The following DDX42 variants were observed in gnomAD, a reference collection of about 807,000 sequenced individuals.
DDX42 encodes DEAD-box helicase 42.
A neutral mutation model predicts 101.5 loss-of-function variants in DDX42; 22 were observed. The ratio of observed to expected loss-of-function variants is 0.22; its 90% CI spans 0.15 to 0.31. DDX42 has a LOEUF of 0.31. Among genes scored for constraint, DDX42 ranks in the 10% least tolerant of loss-of-function variants. DDX42 has a pLI of 1.00. For missense variants in DDX42, 849 were observed against 1,199.9 expected, an observed-to-expected ratio of 0.71 and a Z score of 4.32; for synonymous variants, 402 against 401.2, an observed-to-expected ratio of 1.00 and a Z score of -0.02.
chr17:63,802,945 A>G (rs1487087564), intron 6 of DDX42, among the ~76,000 whole-genome samples: 4 of 152,176 alleles, frequency 2.6e-5, no homozygotes. Context: ...TCAAGCAAAA[A>G]TTAGAATTTG....
chr17:63,805,233 A>G lies in DDX42; in HGVS notation c.726+58A>G, dbSNP rs534394352. Reference sequence around the variant, plus strand: ...TAATGTTAATTAGTCCAGATTTAGTATTATTGGTTATCTAAACTAATAACC... The same window carrying G: ...TAATGTTAATTAGTCCAGATTTAGTGTTATTGGTTATCTAAACTAATAACC... On this transcript the variant is annotated intron_variant, in intron 7 of 17. Transcript: ENST00000389924. 39 of 1,570,148 alleles carry G rather than the reference A, an allele frequency of 2.5e-5. No homozygotes were observed. In the East Asian group the frequency reaches 9.0e-4, roughly 36 times the overall value.
chr17:63,810,678 A>C, intron 12 of DDX42, 118 bp downstream of exon 12: 1 of 986,406 alleles, frequency 1.0e-6, no homozygotes, highest in Middle Eastern at 2.1e-4. Flanking sequence ...TGAGAACCAT[A>C]ATAAGGGAGG....
At chr17:63,805,004 C>A in intron 6 of DDX42, 67 bp from the exon 7 acceptor site, 1 of 1,530,716 alleles carries the variant, frequency 6.5e-7, no homozygotes, top group Admixed American at 2.4e-5. Context: ...GATTATTTTG[C>A]AATAAAATCA....
chr17:63,805,334 A>T lies in DDX42; in HGVS notation c.726+159A>T, dbSNP rs556101901. The T allele has an allele frequency of 6.9e-6, 6 of 874,996 alleles. No individual in the cohort carries two copies. The East Asian group carries it at 1.8e-4, about 27-fold the overall frequency. 54.2% of individuals were successfully genotyped at this position (874,996 alleles called of 1,614,324 possible). On this transcript the variant is annotated intron_variant, in intron 7 of 17. Transcript: ENST00000389924. Reference sequence around the variant, plus strand: ...TATATCCCTTCTGTTCATGTCTCTTAATTTGATTGTTTTAGTCTTCTAGAT... The same window carrying T: ...TATATCCCTTCTGTTCATGTCTCTTTATTTGATTGTTTTAGTCTTCTAGAT...
chr17:63,799,194 A>T (rs2039730504), intron 4 of DDX42, among the ~76,000 whole-genome samples: 2 of 152,074 alleles, frequency 1.3e-5, no homozygotes, highest in Non-Finnish European at 2.9e-5. Context: ...GAAGGTTGTG[A>T]CCTTTCTAGT....
In DDX42 at chr17:63,792,446, G is replaced by A. The variant is rs150380771; in HGVS notation, c.256G>A (p.Val86Ile). The A allele has an allele frequency of 6.5e-5, 105 of 1,612,890 alleles. No individual in the cohort carries two copies. The highest frequency in any genetic ancestry group is 1.6e-4 in the Middle Eastern group (1 of 6,082). Residue 86 changes from valine to isoleucine, a missense_variant, in exon 3 of 18, where the codon GTT (valine) becomes ATT (isoleucine). Around this residue, in one of 5 missense-constraint regions of DDX42, gnomAD observed 92 missense variants for 106.7 expected, o/e 0.86. Transcript: ENST00000389924. ...AGATGAGGAAGAAGATTCTAGCAAC[G>A]TTGATTTACCTTACATTCCTGCTGA... ...FEDEEEDSSN[V>I]DLPYIPAENS... is the part of the protein sequence containing the mutation.
chr17:63,786,942 C>A, intron 1 of DDX42, 92 bp from the exon 2 acceptor site: 1 of 1,309,064 alleles, frequency 7.6e-7, no homozygotes, highest in Non-Finnish European at 1.1e-6. Flanking sequence ...TCCCAAAGTG[C>A]TGGGATTACA....
intron 7 of DDX42, chr17:63,805,943 T>C (rs1032833558): frequency 2.6e-5 from 4 of 152,406 alleles, no homozygotes; most frequent in African/African-American, 9.6e-5. Flanking sequence ...CATTGAAAGG[T>C]TACCACTTTG....
intron 1 of DDX42, among the ~76,000 whole-genome samples, chr17:63,786,371 C>G (rs2039547504): frequency 6.6e-6 from 1 of 152,148 alleles, no homozygotes; most frequent in South Asian, 2.1e-4. Flanking sequence ...GCCTCAGCCT[C>G]CTGAATAGCT....
chr17:63,809,420 A>G (rs1433281299), intron 10 of DDX42, 140 bp from the exon 11 acceptor site: 1 of 637,524 alleles, frequency 1.6e-6, no homozygotes, highest in East Asian at 2.7e-5. Flanking sequence ...TAAGTAGTGC[A>G]TAAGGTATGT....
At chr17:63,777,631 A>G (rs1417860712) in intron 1 of DDX42, among the ~76,000 whole-genome samples, 4 of 151,858 alleles carry the variant, frequency 2.6e-5, no homozygotes, top group Admixed American at 1.3e-4. Context: ...TGTATCTTTA[A>G]TAGAGATGGG....
chr17:63,788,310 C>CTT (rs370584285), intron 2 of DDX42, among the ~76,000 whole-genome samples: 20 of 121,450 alleles, frequency 1.6e-4, no homozygotes, highest in African/African-American at 2.2e-4. Context: ...ACATCTGAGT[C>CTT]TTTTTTTTTT....
At chr17:63,813,605 C>A in intron 15 of DDX42, 151 bp downstream of exon 15, 1 of 626,944 alleles carries the variant, frequency 1.6e-6, no homozygotes, top group South Asian at 2.1e-5. Context: ...TTGTGAGATA[C>A]TAAAATTCAT....
intron 3 of DDX42, 81 bp from the exon 4 acceptor site, chr17:63,797,957 A>AT: frequency 1.5e-6 from 2 of 1,313,154 alleles, no homozygotes; most frequent in African/African-American, 3.0e-5. Flanking sequence ...TAAAGCTATT[A>AT]TGGCACTTGT....
At chr17:63,794,727 G>GT (rs1223439602) in intron 3 of DDX42, among the ~76,000 whole-genome samples, 2 of 151,694 alleles carry the variant, frequency 1.3e-5, no homozygotes, top group Non-Finnish European at 2.9e-5. Context: ...CTGATCAACA[G>GT]TTTGAGACCA....
intron 8 of DDX42, among the ~76,000 whole-genome samples, chr17:63,807,161 G>A (rs2039852334): frequency 6.6e-6 from 1 of 151,906 alleles, no homozygotes; most frequent in Non-Finnish European, 1.5e-5. Flanking sequence ...TTTTTTTGGG[G>A]ACAGAGTCTC....
chr17:63,816,808 C>G (rs1428025304), intron 16 of DDX42, 60 bp from the exon 17 acceptor site: 4 of 1,391,890 alleles, frequency 2.9e-6, no homozygotes, highest in East Asian at 2.4e-5. Context: ...GAGGCCTAGT[C>G]TATAGCAGTG....
chr17:63,789,133 C>T (rs912927404), intron 2 of DDX42, among the ~76,000 whole-genome samples: 1 of 152,082 alleles, frequency 6.6e-6, no homozygotes, highest in Non-Finnish European at 1.5e-5. Context: ...GGCTAGAGTG[C>T]AGTGGCGTGA....
chr17:63,787,177 G>C lies in DDX42; in HGVS notation c.128G>C (p.Ser43Thr). The change falls in exon 2 of 18, where the codon AGC (serine) becomes ACC (threonine). Residue 43 changes from serine (S) to threonine (T), a missense_variant. By Grantham distance (58) the Ser-to-Thr change is moderately conservative (BLOSUM62 1). Around this residue, in one of 5 missense-constraint regions of DDX42, gnomAD observed 92 missense variants for 106.7 expected, o/e 0.86. Coordinates refer to ENST00000389924, the MANE Select transcript of DDX42 (RefSeq NM_203499.3). ...QQSHSAFGAT[S>T]SSSGFGKSAP... Reference sequence around the variant, plus strand: ...TCCCACAGTGCCTTTGGGGCAACCAGCTCTTCTTCTGGATTTGGAAAGTCA... The same window carrying C: ...TCCCACAGTGCCTTTGGGGCAACCACCTCTTCTTCTGGATTTGGAAAGTCA... 4 of 1,614,138 alleles carry C rather than the reference G, an allele frequency of 2.5e-6. No individual in the cohort carries two copies. Among genetic ancestry groups the C allele is most frequent in the Non-Finnish European group, 1.7e-6 (2 of 1,180,030 alleles).
Sources: allele counts gnomAD v4.1 joint callset (sites outside exome capture counted in the v4.1 genomes callset), GRCh38; gene constraint gnomAD v4.1.1; regional missense constraint gnomAD v4.1.1; transcripts MANE v1.5; gene names NCBI Gene and HGNC (gene_info 2026-07-23, HGNC 2026-07-21).